IMMT: variants seen among roughly 807,000 people sequenced by gnomAD.
IMMT encodes inner membrane mitochondrial protein.
Under a neutral mutation model 92.7 loss-of-function variants are expected in IMMT, and 40 were observed. The ratio of observed to expected loss-of-function variants is 0.43; its 90% CI spans 0.34 to 0.56. The LOEUF is 0.56. Among genes scored for constraint, IMMT ranks in the 20% least tolerant of loss-of-function variants. The probability of loss-of-function intolerance (pLI) is 0.03; values close to 1 mark genes in which losing one functional copy is unlikely to be tolerated. For missense variants in IMMT, 831 were observed against 912.1 expected (o/e 0.91, Z 1.14); for synonymous variants, 322 against 336.1 (o/e 0.96, Z 0.46).
intron 1 of IMMT, among the ~76,000 whole-genome samples, chr2:86,190,186 C>T (rs570807238): frequency 2.0e-5 from 3 of 152,272 alleles, no homozygotes; most frequent in Admixed American, 2.0e-4. Context: ...AACACCTGGC[C>T]GCATGATCTA....
intron 1 of IMMT, among the ~76,000 whole-genome samples, chr2:86,189,523 T>C (rs1212583986): frequency 2.6e-5 from 4 of 152,194 alleles, no homozygotes; most frequent in African/African-American, 4.8e-5. Flanking sequence ...TCCTTAGCTC[T>C]ACCAAACTAA....
Position 86,162,058 on chromosome 2 carries a change from C to A in IMMT, c.814G>T (p.Ala272Ser). The A allele has an allele frequency of 7.5e-6, 12 of 1,596,060 alleles. No homozygotes were observed. Among genetic ancestry groups the A allele is most frequent in the Non-Finnish European group, 1.0e-5 (12 of 1,173,094 alleles). ...GCACCCTCCACTGTGCGCCACTGAG[C>A]AGATTTCTTCTCGCCTGCAATCTAA... ...NSEIAGEKKS[A>S]QWRTVEGALK... Residue 272 changes from alanine (A) to serine (S), a missense_variant, in exon 8 of 15, where the codon GCT becomes TCT. Ala to Ser is a moderately conservative substitution (Grantham distance 99, BLOSUM62 1). Coordinates refer to ENST00000410111, the MANE Select transcript of IMMT (RefSeq NM_006839.3).
Position 86,147,688 on chromosome 2 carries a change from G to GT in IMMT, c.1533+13dup. The GT allele has an allele frequency of 6.2e-7, 1 of 1,610,708 alleles. No individual in the cohort carries two copies. The highest frequency in any genetic ancestry group is 8.5e-7 in the Non-Finnish European group (1 of 1,178,370). On this transcript the variant is annotated intron_variant, in intron 13 of 14. Coordinates refer to ENST00000410111, the MANE Select transcript of IMMT (RefSeq NM_006839.3). ...AGGAAGAGGGGTGTGGCTGAAGGGA[G>GT]TCCAGGTCCTCACCTGCTCAAATTC...
chr2:86,146,164 G>A lies in IMMT; in HGVS notation c.1567C>T (p.Gln523Ter). ...LSEKLSEQELQFRRLSQEQVD... is the reference protein window; with the variant it reads ...LSEKLSEQEL Reference sequence around the variant, plus strand: ...TGCTCTTGACTGAGACGACGAAATTGTAATTCTTGTTCAGAGAGTTTCTCA... The same window carrying A: ...TGCTCTTGACTGAGACGACGAAATTATAATTCTTGTTCAGAGAGTTTCTCA... Residue 523 changes from glutamine (Q) to a stop codon, truncating the protein, a stop_gained, in exon 14 of 15, where the codon CAA becomes TAA. Transcript: ENST00000410111. LOFTEE classifies it high-confidence loss of function. 2 of 1,609,842 alleles carry A rather than the reference G, an allele frequency of 1.2e-6. No individual in the cohort carries two copies.
intron 1 of IMMT, among the ~76,000 whole-genome samples, chr2:86,184,793 G>C (rs911021753): frequency 6.6e-6 from 1 of 151,948 alleles, no homozygotes; most frequent in Non-Finnish European, 1.5e-5. Context: ...GTTATGTAGT[G>C]ACAGAAGTTT....
At chr2:86,165,055 AT>A (rs1676575804) in intron 7 of IMMT, among the ~76,000 whole-genome samples, 1 of 152,218 alleles carries the variant, frequency 6.6e-6, no homozygotes, top group African/African-American at 2.4e-5. Context: ...TATTTTGTAC[AT>A]TAGCTAATAC....
At chr2:86,153,151 C>T (rs529347188) in intron 11 of IMMT, among the ~76,000 whole-genome samples, 7 of 152,196 alleles carry the variant, frequency 4.6e-5, no homozygotes, top group Non-Finnish European at 7.4e-5. Flanking sequence ...AGTCTGCTTT[C>T]TATATAAGCT....
intron 4 of IMMT, among the ~76,000 whole-genome samples, chr2:86,173,341 G>A (rs928960896): frequency 9.9e-5 from 15 of 152,214 alleles, no homozygotes; most frequent in Admixed American, 2.0e-4. Context: ...AGCACTTTGG[G>A]AGGCCGAGGC....
At position 86,147,651 on chromosome 2, in the gene IMMT, C is replaced by T. The variant is rs1675122055; in HGVS notation, c.1533+51G>A. On this transcript the variant is annotated intron_variant, in intron 13 of 14. Transcript: ENST00000410111. The stretch of plus-strand genomic sequence containing the variant: ...GTACATTAAAAGGAAAGGAGAGTCT[C>T]TTAATCCTGTCAGGAAGAGGGGTGT... The T allele has an allele frequency of 1.9e-6, 3 of 1,568,856 alleles. No individual in the cohort carries two copies. The African/African-American group carries it at 4.1e-5, about 21-fold the overall frequency.
intron 8 of IMMT, among the ~76,000 whole-genome samples, chr2:86,161,361 C>T (rs1676259689): frequency 6.6e-6 from 1 of 151,496 alleles, no homozygotes; most frequent in Non-Finnish European, 1.5e-5. Flanking sequence ...AGGGTCTCAC[C>T]ATGTTGGCCA....
chr2:86,193,266 G>C (rs561222686), intron 1 of IMMT, among the ~76,000 whole-genome samples: 2 of 152,026 alleles, frequency 1.3e-5, no homozygotes, highest in African/African-American at 2.4e-5. Flanking sequence ...AATTAGCCAG[G>C]GATGGTGGCA....
At chr2:86,159,332 A>C (rs1573897986) in intron 9 of IMMT, 1 of 621,914 alleles carries the variant, frequency 1.6e-6, no homozygotes, top group Non-Finnish European at 2.9e-6. Context: ...TTATCTGCCC[A>C]CCTCGGCCTG....
intron 8 of IMMT, chr2:86,159,996 G>A (rs756595750): frequency 5.9e-6 from 1 of 168,104 alleles, no homozygotes; most frequent in South Asian, 2.0e-4. Context: ...GGAAAGACTA[G>A]AACGAGACTG....
intron 1 of IMMT, chr2:86,195,014 G>A (rs1673434202): frequency 9.1e-6 from 3 of 329,296 alleles, no homozygotes; most frequent in Non-Finnish European, 1.7e-5. Context: ...AAAACCTATC[G>A]CGCGCCCAAC....
chr2:86,184,841 A>G (rs1048050282), intron 1 of IMMT, among the ~76,000 whole-genome samples: 6 of 152,222 alleles, frequency 3.9e-5, no homozygotes, highest in Admixed American at 3.3e-4. Flanking sequence ...CATGGAAAAT[A>G]GAAAATTAAG....
chr2:86,184,479 C>T (rs781204252), intron 1 of IMMT, among the ~76,000 whole-genome samples: 11 of 152,060 alleles, frequency 7.2e-5, no homozygotes, highest in Non-Finnish European at 1.3e-4. Context: ...TATATTAATA[C>T]GTTTGTTATT....
intron 1 of IMMT, among the ~76,000 whole-genome samples, chr2:86,189,203 T>TA (rs965104130): frequency 2.0e-5 from 3 of 151,144 alleles, no homozygotes; most frequent in Non-Finnish European, 4.4e-5. Flanking sequence ...AACGTGATAT[T>TA]AAAAAAAAGA....
intron 12 of IMMT, among the ~76,000 whole-genome samples, chr2:86,149,879 C>CAAAAAAAAAA (rs548731236): frequency 8.2e-6 from 1 of 121,380 alleles, no homozygotes; most frequent in Non-Finnish European, 1.7e-5. Flanking sequence ...GACTCTGTCT[C>CAAAAAAAAAA]AAAAAAAAAA....
At chr2:86,148,572 G>A (rs543093981) in intron 12 of IMMT, among the ~76,000 whole-genome samples, 8 of 152,214 alleles carry the variant, frequency 5.3e-5, no homozygotes, top group South Asian at 2.1e-4. Context: ...AGATTGCGCT[G>A]CTGCACTCCA....
Sources: allele counts gnomAD v4.1 joint callset (sites outside exome capture counted in the v4.1 genomes callset), GRCh38; gene constraint gnomAD v4.1.1; transcripts MANE v1.5; gene names NCBI Gene and HGNC (gene_info 2026-07-23, HGNC 2026-07-21).